Variants in BTBD7 observed in about 807,000 individuals in gnomAD.
BTBD7 encodes the protein BTB domain containing 7.
BTBD7 carries 38 observed loss-of-function variants against 99.9 expected under a neutral mutation model. The ratio of observed to expected loss-of-function variants is 0.38; its 90% CI spans 0.29 to 0.50. The LOEUF (loss-of-function observed/expected upper bound fraction) is 0.50, where lower values mean the gene tolerates loss of function less well. Among genes scored for constraint, BTBD7 ranks in the 20% least tolerant of loss-of-function variants. BTBD7 has a pLI of 0.93. For synonymous variants in BTBD7, 520 were observed against 511.4 expected (o/e 1.02, Z -0.23); for missense variants, 1,170 against 1,394.6 (o/e 0.84, Z 2.57).
Position 93,331,879 on chromosome 14 carries a change from T to TCCCCCC in BTBD7, c.-107+935_-107+940dup, listed in dbSNP as rs71129629. Among the ~76,000 whole-genome samples the TCCCCCC allele has an allele frequency of 4.2e-3, 553 of 132,766 alleles. 8 individuals are homozygous for TCCCCCC. Among genetic ancestry groups the TCCCCCC allele is most frequent in the African/African-American group, 7.4e-3 (217 of 29,206 alleles). The allele number at this position is 132,766 out of a possible 152,430, so 87.1% of individuals were successfully genotyped here. ...CTGGGTGACAGAGCGAGACTCCGTC[T>TCCCCCC]CCCCCCCCCCAAAAAGGTTGTTAGT... is the stretch of plus-strand genomic sequence containing the variant. On this transcript the variant is annotated intron_variant, in intron 1 of 10. Coordinates refer to ENST00000334746, the MANE Select transcript of BTBD7 (RefSeq NM_001002860.4).
chr14:93,262,559 CAG>C (rs1371365904), intron 4 of BTBD7, among the ~76,000 whole-genome samples: 1 of 152,028 alleles, frequency 6.6e-6, no homozygotes, highest in Non-Finnish European at 1.5e-5. Context: ...TGGAAGAAAA[CAG>C]AGATAAGTAA....
chr14:93,321,328 C>G (rs1013769114), intron 1 of BTBD7, among the ~76,000 whole-genome samples: 5 of 152,304 alleles, frequency 3.3e-5, no homozygotes, highest in African/African-American at 1.2e-4. Flanking sequence ...GGCAGTGGCT[C>G]ACACCTATAA....
At chr14:93,244,222 G>T in intron 10 of BTBD7, 1 of 343,908 alleles carries the variant, frequency 2.9e-6, no homozygotes, top group South Asian at 2.6e-5. Context: ...TGAGTGCGCT[G>T]AGCTCAACTG....
At chr14:93,266,680 G>T (rs1045900526) in intron 3 of BTBD7, among the ~76,000 whole-genome samples, 2 of 152,206 alleles carry the variant, frequency 1.3e-5, no homozygotes, top group African/African-American at 4.8e-5. Context: ...TGGAGTATAA[G>T]GAACCCTGAC....
At chr14:93,262,355 G>C (rs1021161884) in intron 4 of BTBD7, among the ~76,000 whole-genome samples, 1 of 151,944 alleles carries the variant, frequency 6.6e-6, no homozygotes, top group African/African-American at 2.4e-5. Context: ...GGATGGTCTC[G>C]ATCTCCTGAC....
intron 1 of BTBD7, among the ~76,000 whole-genome samples, chr14:93,327,874 AC>A (rs1656224573): frequency 2.0e-5 from 3 of 152,184 alleles, no homozygotes; most frequent in Admixed American, 2.0e-4. Flanking sequence ...AGAAAACTCC[AC>A]AAAAAAGATT....
At chr14:93,289,797 C>CCTACTGATA (rs2052824603) in intron 3 of BTBD7, among the ~76,000 whole-genome samples, 1 of 151,674 alleles carries the variant, frequency 6.6e-6, no homozygotes, top group Non-Finnish European at 1.5e-5. Context: ...CCTGCTCCTC[C>CCTACTGATA]CTACTGATAT....
At chr14:93,291,338 T>C (rs1044013722) in intron 3 of BTBD7, among the ~76,000 whole-genome samples, 1 of 152,058 alleles carries the variant, frequency 6.6e-6, no homozygotes, top group Non-Finnish European at 1.5e-5. Flanking sequence ...ATTTTACAAA[T>C]GAGAAAAGAG....
chr14:93,253,615 G>C, intron 7 of BTBD7, 32 bp downstream of exon 7: 1 of 1,584,560 alleles, frequency 6.3e-7, no homozygotes, highest in Non-Finnish European at 8.6e-7. Context: ...TTGTAATAAA[G>C]TAGTCTACTA....
chr14:93,245,770 G>C, intron 10 of BTBD7, 55 bp downstream of exon 10: 1 of 1,557,088 alleles, frequency 6.4e-7, no homozygotes, highest in Non-Finnish European at 8.7e-7. Context: ...CAAGAAAATT[G>C]CTTCTAATTC....
chr14:93,288,647 G>A, intron 3 of BTBD7: 1 of 1,308,804 alleles, frequency 7.6e-7, no homozygotes, highest in Non-Finnish European at 1.1e-6. Context: ...TTAAGATTGA[G>A]GCAGTAAGCA....
chr14:93,244,260 G>A (rs894793399), intron 10 of BTBD7: 15 of 295,650 alleles, frequency 5.1e-5, no homozygotes, highest in South Asian at 3.4e-4. Flanking sequence ...TGGCTATTAA[G>A]AGATGCAAGC....
At chr14:93,299,384 C>T (rs557213554) in intron 1 of BTBD7, among the ~76,000 whole-genome samples, 1 of 152,324 alleles carries the variant, frequency 6.6e-6, no homozygotes, top group South Asian at 2.1e-4. Context: ...AGTTTAATCT[C>T]TCCAGCGATG....
At chr14:93,300,572 T>C (rs930569653) in intron 1 of BTBD7, among the ~76,000 whole-genome samples, 5 of 151,402 alleles carry the variant, frequency 3.3e-5, no homozygotes, top group African/African-American at 1.2e-4. Context: ...TTTTGAGATA[T>C]GGTCTTTCTA....
In BTBD7 at chr14:93,238,620, A is replaced by G. The variant is rs533162060; in HGVS notation, c.*3653T>C. On this transcript the variant is annotated 3_prime_UTR_variant, in exon 11 of 11. Coordinates refer to ENST00000334746, the MANE Select transcript of BTBD7 (RefSeq NM_001002860.4). ...CCTTATAATTAATTTCAAAATAAGT[A>G]TCTTACAAGTGTTTCATGAAACATT... 23 of 152,410 alleles carry G rather than the reference A, an allele frequency of 1.5e-4. No individual in the cohort carries two copies. Among genetic ancestry groups the G allele is most frequent in the Admixed American group, 1.4e-3 (22 of 15,306 alleles). The allele number at this position is 152,410 out of a possible 1,614,324, so 9.4% of individuals were successfully genotyped here. A position where few individuals can be genotyped will look rare whatever the true frequency, so the allele number is the denominator to read the frequency against.
At chr14:93,247,014 G>A (rs1033730254) in intron 9 of BTBD7, among the ~76,000 whole-genome samples, 2 of 151,818 alleles carry the variant, frequency 1.3e-5, no homozygotes, top group Admixed American at 1.3e-4. Context: ...CCTATGCCAT[G>A]TTTATTCATT....
intron 1 of BTBD7, among the ~76,000 whole-genome samples, chr14:93,298,218 G>A (rs898163295): frequency 1.3e-5 from 2 of 152,070 alleles, no homozygotes; most frequent in African/African-American, 4.8e-5. Flanking sequence ...ACTTTAACAC[G>A]TACATGCATG....
intron 1 of BTBD7, among the ~76,000 whole-genome samples, chr14:93,329,173 C>T (rs1266210085): frequency 2.7e-5 from 4 of 149,632 alleles, no homozygotes; most frequent in Non-Finnish European, 5.9e-5. Context: ...AACTTCCACA[C>T]TCAACAACAA....
intron 3 of BTBD7, among the ~76,000 whole-genome samples, chr14:93,291,457 T>C (rs553480611): frequency 7.2e-5 from 11 of 152,294 alleles, no homozygotes; most frequent in African/African-American, 2.6e-4. Flanking sequence ...TGGTATAAAA[T>C]CCTACCTCAA....
Sources: gnomAD v4.1 joint callset for allele counts (sites outside exome capture counted in the v4.1 genomes callset) on GRCh38, gnomAD v4.1.1 for gene constraint, MANE v1.5 for transcripts, NCBI Gene and HGNC (gene_info 2026-07-23, HGNC 2026-07-21) for gene names.